Variants in CNTNAP5 observed in about 807,000 individuals in gnomAD.
CNTNAP5 encodes contactin associated protein family member 5.
Under a neutral mutation model 150.2 loss-of-function variants are expected in CNTNAP5, and 72 were observed. The ratio of observed to expected loss-of-function variants is 0.48; its 90% CI spans 0.40 to 0.58. CNTNAP5 has a LOEUF of 0.58. CNTNAP5 is among the 20% of genes least tolerant of loss of function. The pLI, the probability that CNTNAP5 is intolerant of heterozygous loss-of-function variation, is 0.00. For missense variants in CNTNAP5, 1,636 were observed against 1,626.2 expected (o/e 1.01, Z -0.10); for synonymous variants, 672 against 619.8 (o/e 1.08, Z -1.25).
chr2:124,599,757 G>A (rs1320054305), intron 11 of CNTNAP5, among the ~76,000 whole-genome samples: 4 of 152,058 alleles, frequency 2.6e-5, no homozygotes, highest in African/African-American at 9.7e-5. Context: ...TTTGGAGATG[G>A]AGTATTACTT....
chr2:124,650,430 A>C (rs1320390340), intron 13 of CNTNAP5, among the ~76,000 whole-genome samples: 1 of 152,192 alleles, frequency 6.6e-6, no homozygotes, highest in South Asian at 2.1e-4. Context: ...CAGGAATGGG[A>C]AAAACAATAT....
chr2:124,878,844 G>C (rs139057670), intron 21 of CNTNAP5, among the ~76,000 whole-genome samples: 1 of 147,052 alleles, frequency 6.8e-6, no homozygotes, highest in African/African-American at 2.7e-5. Flanking sequence ...CACCTCGCCC[G>C]GCCAATTTTT....
At chr2:124,746,081 A>G (rs1048980676) in intron 13 of CNTNAP5, among the ~76,000 whole-genome samples, 4 of 152,330 alleles carry the variant, frequency 2.6e-5, no homozygotes, top group Admixed American at 2.6e-4. Flanking sequence ...ATTCACTGTA[A>G]AATTGCAAAT....
At chr2:124,188,207 A>G (rs1432281749) in intron 1 of CNTNAP5, among the ~76,000 whole-genome samples, 1 of 152,182 alleles carries the variant, frequency 6.6e-6, no homozygotes, top group South Asian at 2.1e-4. Context: ...CATGAGAAGA[A>G]GAGGTATCAA....
chr2:124,062,828 T>C (rs1170332264), intron 1 of CNTNAP5, among the ~76,000 whole-genome samples: 1 of 152,094 alleles, frequency 6.6e-6, no homozygotes, highest in African/African-American at 2.4e-5. Flanking sequence ...TTTGTTTGTT[T>C]GTTTAACAGG....
At chr2:124,175,795 G>C (rs1685050728) in intron 1 of CNTNAP5, among the ~76,000 whole-genome samples, 2 of 152,140 alleles carry the variant, frequency 1.3e-5, no homozygotes, top group South Asian at 4.1e-4. Context: ...ATATTCCATT[G>C]TGTATATGTA....
chr2:124,339,572 G>T (rs1168568030), intron 3 of CNTNAP5, among the ~76,000 whole-genome samples: 1 of 152,148 alleles, frequency 6.6e-6, no homozygotes, highest in Non-Finnish European at 1.5e-5. Context: ...AGATTAACTG[G>T]AGAAAAGGAA....
At chr2:124,269,971 G>A (rs2104611335) in intron 3 of CNTNAP5, among the ~76,000 whole-genome samples, 1 of 152,254 alleles carries the variant, frequency 6.6e-6, no homozygotes, top group South Asian at 2.1e-4. Context: ...TGCTAGAGTA[G>A]CGAAAGCATA....
chr2:124,294,855 G>C (rs1688381310), intron 3 of CNTNAP5, among the ~76,000 whole-genome samples: 1 of 152,152 alleles, frequency 6.6e-6, no homozygotes, highest in Admixed American at 6.6e-5. Flanking sequence ...AAACTAGAGA[G>C]GAGATGGCTG....
Position 124,345,135 on chromosome 2 carries a change from T to C in CNTNAP5, c.382-72308T>C, listed in dbSNP as rs1016881755. Among the ~76,000 whole-genome samples the C allele has an allele frequency of 2.6e-5, 4 of 152,196 alleles. No individual in the cohort carries two copies. In the East Asian group the frequency reaches 7.7e-4, roughly 29 times the overall value. ...GTGGGAGAAGAAAGTAGACAATGAT[T>C]GTGAAAAACATTTCAGTGTTACAGA... On this transcript the variant is annotated intron_variant, in intron 3 of 23. Coordinates refer to ENST00000682447, the MANE Select transcript of CNTNAP5 (RefSeq NM_001367498.1).
intron 22 of CNTNAP5, among the ~76,000 whole-genome samples, chr2:124,907,133 T>C (rs1259728065): frequency 6.6e-6 from 1 of 152,092 alleles, no homozygotes; most frequent in Non-Finnish European, 1.5e-5. Flanking sequence ...TAAATACATT[T>C]TAGATGAACT....
chr2:124,751,681 A>G (rs1680731075), intron 14 of CNTNAP5, among the ~76,000 whole-genome samples: 1 of 152,228 alleles, frequency 6.6e-6, no homozygotes. Flanking sequence ...TGTGTGCCTC[A>G]GAGAAACTTT....
rs1399674670 is a variant in CNTNAP5 at position 124,790,058 on chromosome 2, A to G, written c.2909A>G (p.Asn970Ser). The change falls in exon 18 of 24, where the codon AAC becomes AGC. Residue 970 changes from asparagine (N) to serine (S), a missense_variant. Transcript: ENST00000682447. ...HCSSYGSICH[N>S]GGKCVEKHNG... Reference sequence around the variant, plus strand: ...AGCAGCTACGGCAGCATCTGCCACAACGGGGGCAAGTGTGTGGAGAAGCAC... The same window carrying G: ...AGCAGCTACGGCAGCATCTGCCACAGCGGGGGCAAGTGTGTGGAGAAGCAC... 4 of 1,613,798 alleles carry G rather than the reference A, an allele frequency of 2.5e-6. No individual in the cohort carries two copies. Among genetic ancestry groups the G allele is most frequent in the African/African-American group, 1.3e-5 (1 of 74,938 alleles).
intron 1 of CNTNAP5, among the ~76,000 whole-genome samples, chr2:124,207,842 G>C (rs143042607): frequency 6.6e-6 from 1 of 152,300 alleles, no homozygotes; most frequent in Admixed American, 6.5e-5. Flanking sequence ...ATCTGACCGT[G>C]ACAGATTTGC....
At chr2:124,342,682 A>G (rs936112352) in intron 3 of CNTNAP5, among the ~76,000 whole-genome samples, 4 of 152,226 alleles carry the variant, frequency 2.6e-5, no homozygotes, top group Non-Finnish European at 2.9e-5. Flanking sequence ...GGAGGGATCA[A>G]TCAGGGAGAA....
chr2:124,083,881 T>A (rs1055045436), intron 1 of CNTNAP5, among the ~76,000 whole-genome samples: 55 of 152,070 alleles, frequency 3.6e-4, no homozygotes, highest in Non-Finnish European at 1.2e-4. Flanking sequence ...ATATAACAAT[T>A]AATTACAGTT....
chr2:124,041,299 C>T (rs757210829), intron 1 of CNTNAP5, among the ~76,000 whole-genome samples: 4 of 152,112 alleles, frequency 2.6e-5, no homozygotes, highest in Admixed American at 6.5e-5. Flanking sequence ...GTTCCTATAG[C>T]TAAGTGTTTT....
intron 21 of CNTNAP5, among the ~76,000 whole-genome samples, chr2:124,894,994 C>T (rs1317910138): frequency 6.6e-6 from 1 of 151,460 alleles, no homozygotes; most frequent in Non-Finnish European, 1.5e-5. Context: ...GTCTTACATC[C>T]ATCCAGGGGC....
At chr2:124,430,222 G>A (rs927914022) in intron 4 of CNTNAP5, among the ~76,000 whole-genome samples, 1 of 152,160 alleles carries the variant, frequency 6.6e-6, no homozygotes, top group Admixed American at 6.5e-5. Flanking sequence ...GAGCTCAGTG[G>A]ACTCAGCGTG....
Sources: gnomAD v4.1 joint callset for allele counts (sites outside exome capture counted in the v4.1 genomes callset) on GRCh38, gnomAD v4.1.1 for gene constraint, MANE v1.5 for transcripts, NCBI Gene and HGNC (gene_info 2026-07-23, HGNC 2026-07-21) for gene names.